Variants in CYP1A1 observed in about 807,000 individuals in gnomAD.
CYP1A1 encodes the protein cytochrome P450 1A1.
CYP1A1 carries 43 observed loss-of-function variants against 33.6 expected under a neutral mutation model. The observed-to-expected ratio is 1.28, with a 90% confidence interval of 1.00 to 1.65. CYP1A1 has a LOEUF of 1.65. Ranked by LOEUF, CYP1A1 falls within the 40% of genes most tolerant of loss-of-function variation. CYP1A1 has a pLI of 0.00. For missense variants in CYP1A1, 637 were observed against 653.7 expected (o/e 0.97, Z 0.28); for synonymous variants, 280 against 257.8 (o/e 1.09, Z -0.83).
intron 2 of CYP1A1, 30 bp downstream of exon 2, chr15:74,722,243 A>G (rs1460316397): frequency 6.3e-7 from 1 of 1,578,138 alleles, no homozygotes; most frequent in South Asian, 1.1e-5. Context: ...TCTGCTTCCC[A>G]CCACCCACCT....
At position 74,721,856 on chromosome 15, in the gene CYP1A1, G is replaced by A. The variant is rs2063173105; in HGVS notation, c.826-139C>T. On this transcript the variant is annotated intron_variant, in intron 2 of 6. Transcript: ENST00000379727. Reference sequence around the variant, plus strand: ...GAGGCTGTTGTCCCAGCTTCTCTCTGCCTCTGCAAGGCTCTCTCCTACTAC... The same window carrying A: ...GAGGCTGTTGTCCCAGCTTCTCTCTACCTCTGCAAGGCTCTCTCCTACTAC... 7.3e-6 allele frequency: 8 copies of A among 1,097,046 alleles called. No homozygotes were observed. In the East Asian group the frequency reaches 1.2e-4, roughly 17 times the overall value. 68.0% of individuals were successfully genotyped at this position (1,097,046 alleles called of 1,614,324 possible).
rs2141716320 is a variant in CYP1A1, at chr15:74,722,299, T to C, written c.799A>G (p.Lys267Glu). Residue 267 changes from lysine (K) to glutamate (E), a missense_variant, in exon 2 of 7, where the codon AAG becomes GAG. Lys to Glu is a moderately conservative substitution (Grantham distance 56, BLOSUM62 1). Transcript: ENST00000379727. ...TTCTCAAAGGTTTTGTAGTGCTCCT[T>C]GACCATCTTCTGCATGAAGCTGTAG... Reference protein sequence around the residue: ...KFYSFMQKMVKEHYKTFEKGH... With the variant: ...KFYSFMQKMVEEHYKTFEKGH... 1.2e-6 allele frequency: 2 copies of C among 1,613,304 alleles called. No homozygotes were observed. The highest frequency in any genetic ancestry group is 4.5e-5 in the East Asian group (2 of 44,848).
At chr15:74,723,602 A>T (rs1040120899) in intron 1 of CYP1A1, among the ~76,000 whole-genome samples, 1 of 152,192 alleles carries the variant, frequency 6.6e-6, no homozygotes, top group Non-Finnish European at 1.5e-5. Flanking sequence ...ATGTGAAAGT[A>T]CAAGTTTGAT....
Position 74,721,204 on chromosome 15 carries a change from G to A in CYP1A1, c.1161C>T (p.Pro387=), listed in dbSNP as rs1317136080. Residue 387 remains proline (P), a synonymous_variant, in exon 5 of 7, where the codon CCC becomes CCT. Transcript: ENST00000379727. ...RHSSFVPFTI[P]HSTTRDTSLK... ...GTGGCTCCATGGGGCCTTACCTGTG[G>A]GGGATGGTGAAGGGGACGAAGGAAG... 9 of 1,612,134 alleles carry A rather than the reference G, an allele frequency of 5.6e-6. No individual in the cohort carries two copies. The highest frequency in any genetic ancestry group is 7.6e-6 in the Non-Finnish European group (9 of 1,178,932).
At chr15:74,722,062 A>G in intron 2 of CYP1A1, 1 of 601,094 alleles carries the variant, frequency 1.7e-6, no homozygotes, top group South Asian at 2.1e-5. Context: ...TTCAGTGGCT[A>G]TTGCTGTCTG....
rs746029569 is a variant in CYP1A1, at chr15:74,722,827, T to G, written c.271A>C (p.Thr91Pro). 7 of 1,613,950 alleles carry G rather than the reference T, an allele frequency of 4.3e-6. No homozygotes were observed. In the South Asian group the frequency reaches 5.5e-5, roughly 13 times the overall value. Reference sequence around the variant, plus strand: ...TGCCGCACCAGGGCCTGCCGGATGGTGTCCAGGCCGCTCAGCACCACCACG... The same window carrying G: ...TGCCGCACCAGGGCCTGCCGGATGGGGTCCAGGCCGCTCAGCACCACCACG... ...TPVVVLSGLD[T>P]IRQALVRQGD... The change falls in exon 2 of 7, where the codon ACC (threonine) becomes CCC (proline). Residue 91 changes from threonine (T) to proline (P), a missense_variant. Physicochemically the swap from Thr to Pro is conservative, Grantham distance 38. Transcript: ENST00000379727.
At position 74,719,925 on chromosome 15, in the gene CYP1A1, G is replaced by A. The variant is rs1596346610; in HGVS notation, c.*564C>T. 1 of 152,370 alleles carries A rather than the reference G, an allele frequency of 6.6e-6. No homozygotes were observed. The highest frequency in any genetic ancestry group is 1.9e-4 in the East Asian group (1 of 5,198). The allele number at this position is 152,370 out of a possible 1,614,324, so 9.4% of individuals were successfully genotyped here. ...CAGCCCTGTTTGTTCCTGCCTGCAG[G>A]AAGGGCAGAGGAATGTGATGTTCCC... On this transcript the variant is annotated 3_prime_UTR_variant, in exon 7 of 7. Transcript: ENST00000379727.
chr15:74,724,129 A>G (rs34513002), intron 1 of CYP1A1, among the ~76,000 whole-genome samples: 24 of 152,142 alleles, frequency 1.6e-4, no homozygotes, highest in African/African-American at 4.8e-4. Flanking sequence ...TCAATTCTCA[A>G]TGAATGAACA....
intron 6 of CYP1A1, 22 bp downstream of exon 6, chr15:74,720,945 T>C (rs2063163913): frequency 3.1e-6 from 5 of 1,612,098 alleles, no homozygotes; most frequent in Non-Finnish European, 4.2e-6. Context: ...ACCCAGCCTT[T>C]CCTCTGCATC....
At chr15:74,722,191 A>T in intron 2 of CYP1A1, 82 bp downstream of exon 2, 1 of 1,170,184 alleles carries the variant, frequency 8.5e-7, no homozygotes, top group Non-Finnish European at 1.2e-6. Flanking sequence ...GCCAAGCCCC[A>T]TGCAGTTCCT....
chr15:74,722,529 A>G lies in CYP1A1; in HGVS notation c.569T>C (p.Val190Ala). The part of the protein sequence containing the change: ...GPGHFNPYRY[V>A]VVSVTNVICA... ...GATGACATTGGTCACTGATACCACCACATACCTGTAGGGGTTAAAGTGCCC... is the reference window on the plus strand; with the variant it reads ...GATGACATTGGTCACTGATACCACCGCATACCTGTAGGGGTTAAAGTGCCC... Residue 190 changes from valine to alanine, a missense_variant, in exon 2 of 7, where the codon GTG becomes GCG. By Grantham distance (64) the Val-to-Ala change is moderately conservative (BLOSUM62 0). Coordinates refer to ENST00000379727, the MANE Select transcript of CYP1A1 (RefSeq NM_001319217.2). 6.2e-7 allele frequency: 1 copy of G among 1,613,774 alleles called. No individual in the cohort carries two copies. The highest frequency in any genetic ancestry group is 8.5e-7 in the Non-Finnish European group (1 of 1,179,962).
Position 74,722,292 on chromosome 15 carries a change from T to G in CYP1A1, c.806A>C (p.His269Pro). ...CTGTACCTTCTCAAAGGTTTTGTAGTGCTCCTTGACCATCTTCTGCATGAA... is the reference window on the plus strand; with the variant it reads ...CTGTACCTTCTCAAAGGTTTTGTAGGGCTCCTTGACCATCTTCTGCATGAA... ...YSFMQKMVKE[H>P]YKTFEKGHIR... Residue 269 changes from histidine (H) to proline (P), a missense_variant, in exon 2 of 7, where the codon CAC becomes CCC. Physicochemically the swap from His to Pro is moderately conservative, Grantham distance 77. Coordinates refer to ENST00000379727, the MANE Select transcript of CYP1A1 (RefSeq NM_001319217.2). The G allele has an allele frequency of 6.2e-7, 1 of 1,611,976 alleles. No individual in the cohort carries two copies. Among genetic ancestry groups the G allele is most frequent in the Admixed American group, 1.7e-5 (1 of 59,968 alleles).
At position 74,719,820 on chromosome 15, in the gene CYP1A1, T is replaced by G. The variant is rs2063154184; in HGVS notation, c.*669A>C. ...AGTCCTGGTGCCTGGATATGTGCAC[T>G]CCCTGTGCGCTCTGATCCCCGCAGA... is the stretch of plus-strand genomic sequence containing the variant. On this transcript the variant is annotated 3_prime_UTR_variant, in exon 7 of 7. Coordinates refer to ENST00000379727, the MANE Select transcript of CYP1A1 (RefSeq NM_001319217.2). 1 of 152,066 alleles carries G rather than the reference T, an allele frequency of 6.6e-6. No individual in the cohort carries two copies. The highest frequency in any genetic ancestry group is 1.5e-5 in the Non-Finnish European group (1 of 68,052). 9.4% of individuals were successfully genotyped at this position (152,066 alleles called of 1,614,324 possible).
At chr15:74,723,261 T>A in intron 1 of CYP1A1, 135 bp from the exon 2 acceptor site, 1 of 557,740 alleles carries the variant, frequency 1.8e-6, no homozygotes. Context: ...GAGGGTGAGG[T>A]GGGGAGAAGT....
rs2063187730 is a variant in CYP1A1, at chr15:74,723,080, G to A, written c.18C>T (p.Ser6=). The change falls in exon 2 of 7, where the codon TCC becomes TCT. Residue 6 remains serine (S), a synonymous_variant. Transcript: ENST00000379727. The part of the protein sequence containing the change: MLFPI[S]MSATEFLLAS... The stretch of plus-strand genomic sequence containing the variant: ...CCAGAAGAAACTCCGTGGCCGACAT[G>A]GAGATTGGGAAAAGCATGATCAGTG... The A allele has an allele frequency of 1.3e-6, 2 of 1,589,876 alleles. No homozygotes were observed. Among genetic ancestry groups the A allele is most frequent in the Non-Finnish European group, 1.7e-6 (2 of 1,165,684 alleles).
chr15:74,720,786 G>GGGA lies in CYP1A1; in HGVS notation c.1254-15_1254-13dup, dbSNP rs764898541. 6.2e-7 allele frequency: 1 copy of GGGA among 1,601,848 alleles called. No homozygotes were observed. The highest frequency in any genetic ancestry group is 1.7e-5 in the Admixed American group (1 of 59,200). Reference sequence around the variant, plus strand: ...TGACCCATAGCTTCCTGTAACCAGAGGGAGACAGCTGAAGTGGCAGTTCAG... The same window carrying GGGA: ...TGACCCATAGCTTCCTGTAACCAGAGGGAGGAGACAGCTGAAGTGGCAGTTCAG... On this transcript the variant is annotated splice_polypyrimidine_tract_variant and intron_variant, in intron 6 of 6. Transcript: ENST00000379727.
chr15:74,721,870 C>T, intron 2 of CYP1A1, 153 bp from the exon 3 acceptor site: 3 of 925,384 alleles, frequency 3.2e-6, no homozygotes, highest in Non-Finnish European at 4.8e-6. Flanking sequence ...CTGCAAGGCT[C>T]TCTCCTACTA....
rs2063155952 is a variant in CYP1A1, at chr15:74,720,097, C to G, written c.*392G>C. The G allele has an allele frequency of 5.9e-6, 1 of 168,868 alleles. No individual in the cohort carries two copies. Among genetic ancestry groups the G allele is most frequent in the Non-Finnish European group, 1.3e-5 (1 of 79,956 alleles). The allele number at this position is 168,868 out of a possible 1,614,324, so 10.5% of individuals were successfully genotyped here. On this transcript the variant is annotated 3_prime_UTR_variant, in exon 7 of 7. Coordinates refer to ENST00000379727, the MANE Select transcript of CYP1A1 (RefSeq NM_001319217.2). ...AAGATTGGACAGGGTCCTGGTTTGG[C>G]TAGTTCTAACTTGCTGAAGCCAGTC...
Position 74,722,603 on chromosome 15 carries a change from C to T in CYP1A1, c.495G>A (p.Lys165=), listed in dbSNP as rs1167913201. ...ACGTGCTTATCAGGACCTCAGCCTC[C>T]TTGCTCACATGCTCTTCCAGGTAGC... ...TSCYLEEHVS[K]EAEVLISTLQ... Residue 165 remains lysine (K), a synonymous_variant, in exon 2 of 7, where the codon AAG becomes AAA. Transcript: ENST00000379727. 1 of 1,614,126 alleles carries T rather than the reference C, an allele frequency of 6.2e-7. No homozygotes were observed. Among genetic ancestry groups the T allele is most frequent in the Non-Finnish European group, 8.5e-7 (1 of 1,180,012 alleles).
Sources: gnomAD v4.1 joint callset for allele counts (sites outside exome capture counted in the v4.1 genomes callset) on GRCh38, gnomAD v4.1.1 for gene constraint, MANE v1.5 for transcripts, NCBI Gene and HGNC (gene_info 2026-07-23, HGNC 2026-07-21) for gene names.